ZNF609: variants seen among roughly 807,000 people sequenced by gnomAD.
The protein encoded by ZNF609 is zinc finger protein 609.
ZNF609 carries 11 observed loss-of-function variants against 109.5 expected under a neutral mutation model. The observed-to-expected ratio is 0.10, with a 90% confidence interval of 0.06 to 0.17. ZNF609 has a LOEUF of 0.17. Ranked by LOEUF, ZNF609 falls within the 10% of genes least tolerant of loss-of-function variation. The pLI is 1.00. For synonymous variants in ZNF609, 646 were observed against 662.0 expected, an observed-to-expected ratio of 0.98 and a Z score of 0.37; for missense variants, 1,559 against 1,772.4, an observed-to-expected ratio of 0.88 and a Z score of 2.16.
intron 2 of ZNF609, chr15:64,529,061 C>T (rs1894015661): frequency 8.5e-7 from 1 of 1,175,864 alleles, no homozygotes; most frequent in Non-Finnish European, 1.3e-6. Flanking sequence ...GGGATGATGT[C>T]CTGGAGAGCC....
At chr15:64,556,617 C>G (rs1894592854) in intron 2 of ZNF609, among the ~76,000 whole-genome samples, 1 of 152,258 alleles carries the variant, frequency 6.6e-6, no homozygotes, top group African/African-American at 2.4e-5. Context: ...TATTGCCCTT[C>G]CCTCCTAGCC....
intron 2 of ZNF609, chr15:64,593,474 C>T (rs1360951650): frequency 3.2e-6 from 2 of 620,764 alleles, no homozygotes; most frequent in Non-Finnish European, 5.7e-6. Flanking sequence ...TTCTGATAAC[C>T]TTTCATAGTC....
chr15:64,615,693 G>A (rs1254317847), intron 2 of ZNF609, among the ~76,000 whole-genome samples: 1 of 151,858 alleles, frequency 6.6e-6, no homozygotes, highest in Non-Finnish European at 1.5e-5. Flanking sequence ...TGCCGTGTTG[G>A]TCAGGCTGGT....
At chr15:64,666,088 A>AC (rs113392387) in intron 3 of ZNF609, among the ~76,000 whole-genome samples, 15,984 of 147,180 alleles carry the variant, frequency 0.11, 1,344 homozygotes, top group African/African-American at 0.23. Context: ...AAAAAAAAAA[A>AC]ACACACACAC....
At chr15:64,469,742 A>C (rs1477643317) in intron 1 of ZNF609, among the ~76,000 whole-genome samples, 1 of 152,138 alleles carries the variant, frequency 6.6e-6, no homozygotes, top group Non-Finnish European at 1.5e-5. Context: ...GCTGCAAAAA[A>C]GGCTGGCCTG....
intron 1 of ZNF609, among the ~76,000 whole-genome samples, chr15:64,481,249 C>T (rs1395754237): frequency 6.6e-6 from 1 of 151,460 alleles, no homozygotes. Flanking sequence ...TCAAAAGGAC[C>T]ATACAAAACA....
At chr15:64,469,356 C>T (rs1353241606) in intron 1 of ZNF609, among the ~76,000 whole-genome samples, 1 of 139,870 alleles carries the variant, frequency 7.1e-6, no homozygotes, top group Non-Finnish European at 1.5e-5. Context: ...CCCAGGAGGT[C>T]GAGGCTGCAG....
rs149111745 is a variant in ZNF609 at position 64,647,558 on chromosome 15, A to G, written c.974-22788A>G. On this transcript the variant is annotated intron_variant, in intron 3 of 9. Transcript: ENST00000326648. ...TTAACAAATTGAGACCCTTCTCTAT[A>G]TATTTCGTAATCTTCTTTGTTTAGA... Among the ~76,000 whole-genome samples the G allele has an allele frequency of 1.0e-3, 155 of 152,194 alleles. 1 individual carries two copies. The highest frequency in any genetic ancestry group is 3.3e-3 in the African/African-American group (137 of 41,532).
chr15:64,629,640 T>A (rs1896033769), intron 3 of ZNF609, among the ~76,000 whole-genome samples: 1 of 152,182 alleles, frequency 6.6e-6, no homozygotes, highest in Non-Finnish European at 1.5e-5. Context: ...AGCCACACCA[T>A]AAGACTTCTG....
At chr15:64,587,515 G>A (rs1410488387) in intron 2 of ZNF609, among the ~76,000 whole-genome samples, 6 of 152,274 alleles carry the variant, frequency 3.9e-5, no homozygotes, top group South Asian at 2.1e-4. Flanking sequence ...AAATTGTGGT[G>A]TATTTGTGTA....
intron 1 of ZNF609, among the ~76,000 whole-genome samples, chr15:64,498,429 G>A (rs1893513747): frequency 6.6e-6 from 1 of 152,156 alleles, no homozygotes; most frequent in Admixed American, 6.5e-5. Context: ...GAGGCCTGGT[G>A]TTTGTCAATA....
In ZNF609 at chr15:64,665,937, TAAA is replaced by T. The variant is rs547385813; in HGVS notation, c.974-4405_974-4403del. On this transcript the variant is annotated intron_variant, in intron 3 of 9. Coordinates refer to ENST00000326648, the MANE Select transcript of ZNF609 (RefSeq NM_015042.2). Reference sequence around the variant, plus strand: ...TAAAAATTAAAATTAAAAATTAAATTAAAAAATAAATAAACAAATGCCAGCTAC... The same window carrying T: ...TAAAAATTAAAATTAAAAATTAAATTAAATAAATAAACAAATGCCAGCTAC... Among the ~76,000 whole-genome samples, 71 of 150,524 alleles carry T rather than the reference TAAA, an allele frequency of 4.7e-4. 1 individual carries two copies. The South Asian group carries it at 0.014, about 30-fold the overall frequency.
intron 2 of ZNF609, among the ~76,000 whole-genome samples, chr15:64,617,103 C>A (rs1185284749): frequency 6.6e-6 from 1 of 151,898 alleles, no homozygotes; most frequent in African/African-American, 2.4e-5. Flanking sequence ...CCACTGCGTC[C>A]GGCCTTAAAC....
intron 3 of ZNF609, among the ~76,000 whole-genome samples, chr15:64,635,445 G>GT (rs1297056354): frequency 6.6e-6 from 1 of 152,144 alleles, no homozygotes; most frequent in African/African-American, 2.4e-5. Context: ...TAATAAGGTC[G>GT]TTTGACTATC....
At chr15:64,671,171 C>G (rs1896723331) in intron 4 of ZNF609, 1 of 134,292 alleles carries the variant, frequency 7.4e-6, no homozygotes, top group African/African-American at 2.9e-5. Context: ...GATCGCGCCA[C>G]TGCACTCCAG....
chr15:64,525,520 ATTC>A (rs1388479583), intron 2 of ZNF609, among the ~76,000 whole-genome samples: 6 of 152,164 alleles, frequency 3.9e-5, no homozygotes, highest in Non-Finnish European at 7.4e-5. Context: ...TTTCAACTTT[ATTC>A]TTCTTTTTGA....
chr15:64,625,778 A>G (rs1374860959), intron 3 of ZNF609, among the ~76,000 whole-genome samples: 1 of 148,604 alleles, frequency 6.7e-6, no homozygotes, highest in Admixed American at 6.8e-5. Flanking sequence ...AGTCCCAGCT[A>G]CTCGGGAGGC....
intron 2 of ZNF609, among the ~76,000 whole-genome samples, chr15:64,554,060 T>C (rs1894533928): frequency 6.6e-6 from 1 of 152,160 alleles, no homozygotes; most frequent in African/African-American, 2.4e-5. Flanking sequence ...TTAGATGCCT[T>C]TTATTTATTT....
intron 2 of ZNF609, among the ~76,000 whole-genome samples, chr15:64,553,699 C>T (rs1055357542): frequency 7.2e-5 from 11 of 151,872 alleles, no homozygotes; most frequent in South Asian, 2.1e-4. Flanking sequence ...TCTGGGTTCA[C>T]GCCATTCTCC....
Sources: gnomAD v4.1 joint callset for allele counts (sites outside exome capture counted in the v4.1 genomes callset) on GRCh38, gnomAD v4.1.1 for gene constraint, MANE v1.5 for transcripts, NCBI Gene and HGNC (gene_info 2026-07-23, HGNC 2026-07-21) for gene names.